AEBP2: variants seen among roughly 807,000 people sequenced by gnomAD.
AEBP2 encodes the protein AE binding protein 2.
In AEBP2, 10 loss-of-function variants were observed where a neutral mutation model predicts 50.8. That is an observed-to-expected ratio of 0.20 (90% CI 0.12 to 0.33). The LOEUF (loss-of-function observed/expected upper bound fraction) is 0.33, where lower values mean the gene tolerates loss of function less well. AEBP2 is among the 10% of genes least tolerant of loss of function. The probability of loss-of-function intolerance (pLI) is 1.00; values close to 1 mark genes in which losing one functional copy is unlikely to be tolerated. For synonymous variants in AEBP2, 296 were observed against 261.3 expected (o/e 1.13, Z -1.28); for missense variants, 570 against 688.0 (o/e 0.83, Z 1.92).
At chr12:19,462,806 A>G in intron 2 of AEBP2, 89 bp downstream of exon 2, 2 of 1,199,136 alleles carry the variant, frequency 1.7e-6, no homozygotes, top group Non-Finnish European at 2.3e-6. Flanking sequence ...GCTGAAAGTA[A>G]TTTGGGATTA....
intron 5 of AEBP2, chr12:19,508,884 G>T: frequency 3.9e-6 from 1 of 257,312 alleles, no homozygotes. Flanking sequence ...CTTCCGGAAC[G>T]TTGTCTGCAG....
intron 1 of AEBP2, among the ~76,000 whole-genome samples, chr12:19,451,155 A>G (rs895540551): frequency 1.3e-5 from 2 of 152,218 alleles, no homozygotes; most frequent in Non-Finnish European, 2.9e-5. Flanking sequence ...CCCTTTTCCA[A>G]CATTTAGTAG....
intron 3 of AEBP2, among the ~76,000 whole-genome samples, chr12:19,489,990 C>CTTTTTTTTTTTTT (rs71067029): frequency 6.3e-5 from 3 of 47,688 alleles, no homozygotes; most frequent in African/African-American, 2.5e-4. Context: ...TTAAAATAAA[C>CTTTTTTTTTTTTT]TTTTTTTTTT....
intron 1 of AEBP2, among the ~76,000 whole-genome samples, chr12:19,441,310 A>G (rs190532795): frequency 3.9e-5 from 6 of 152,276 alleles, no homozygotes; most frequent in South Asian, 4.1e-4. Context: ...GTATGTTTCA[A>G]TTGTCTTATC....
intron 1 of AEBP2, among the ~76,000 whole-genome samples, chr12:19,405,260 G>C (rs911101604): frequency 6.6e-6 from 1 of 151,520 alleles, no homozygotes; most frequent in Non-Finnish European, 1.5e-5. Context: ...TTACCTTCTT[G>C]CTTATCAAAT....
chr12:19,452,961 C>CTTTTTTT (rs34876719), intron 1 of AEBP2, among the ~76,000 whole-genome samples: 25 of 106,930 alleles, frequency 2.3e-4, no homozygotes, highest in Non-Finnish European at 3.1e-4. Flanking sequence ...GACTTACGTT[C>CTTTTTTT]TTTTTTTTTT....
At chr12:19,478,647 C>T (rs1169410416) in intron 3 of AEBP2, among the ~76,000 whole-genome samples, 1 of 152,104 alleles carries the variant, frequency 6.6e-6, no homozygotes, top group Non-Finnish European at 1.5e-5. Flanking sequence ...TTTGCTGTTG[C>T]CCACTGGTTT....
intron 1 of AEBP2, among the ~76,000 whole-genome samples, chr12:19,421,344 C>CAA (rs375160231): frequency 0.011 from 894 of 80,802 alleles, 11 homozygotes; most frequent in Middle Eastern, 0.083. Flanking sequence ...GACTCTGTCT[C>CAA]AAAAAAAAAA....
chr12:19,434,088 A>C (rs1263084873), intron 1 of AEBP2, among the ~76,000 whole-genome samples: 4 of 151,328 alleles, frequency 2.6e-5, no homozygotes, highest in African/African-American at 9.7e-5. Flanking sequence ...CTTGTGATCC[A>C]CCCACCTCAC....
intron 1 of AEBP2, among the ~76,000 whole-genome samples, chr12:19,455,227 T>C (rs1396832017): frequency 6.6e-6 from 1 of 152,026 alleles, no homozygotes; most frequent in African/African-American, 2.4e-5. Context: ...TTCCAGCTTC[T>C]AGAAATCCTC....
Position 19,439,951 on chromosome 12 carries a change from G to C in AEBP2, c.252G>C (p.Glu84Asp). The C allele has an allele frequency of 6.6e-7, 1 of 1,518,180 alleles. No homozygotes were observed. Among genetic ancestry groups the C allele is most frequent in the Non-Finnish European group, 8.8e-7 (1 of 1,140,076 alleles). The allele number at this position is 1,518,180 out of a possible 1,614,324, so 94.0% of individuals were successfully genotyped here. A position where few individuals can be genotyped will look rare whatever the true frequency, so the allele number is the denominator to read the frequency against. ...VGGGEAETMS[E>D]PSPESASQAG... Reference sequence around the variant, plus strand: ...GCGGCGAGGCAGAGACGATGTCGGAGCCGAGCCCCGAGAGCGCCAGCCAGG... The same window carrying C: ...GCGGCGAGGCAGAGACGATGTCGGACCCGAGCCCCGAGAGCGCCAGCCAGG... Residue 84 changes from glutamate (E) to aspartate (D), a missense_variant, in exon 1 of 8, where the codon GAG becomes GAC. By Grantham distance (45) the Glu-to-Asp change is conservative (BLOSUM62 2). Transcript: ENST00000266508.
intron 3 of AEBP2, among the ~76,000 whole-genome samples, chr12:19,493,231 A>G (rs1438486455): frequency 6.6e-6 from 1 of 152,070 alleles, no homozygotes; most frequent in Non-Finnish European, 1.5e-5. Flanking sequence ...GTGAAACCAT[A>G]GCTCTACTAA....
chr12:19,439,547 G>C lies in AEBP2; in HGVS notation c.-153G>C, dbSNP rs1293035392. ...CCTGTCCCCGCGCGGGCTCCGTAGC[G>C]CGTGTGCAGGCTGACGCAGCTCGCG... On this transcript the variant is annotated 5_prime_UTR_variant, in exon 1 of 8. Transcript: ENST00000266508. 9.9e-7 allele frequency: 1 copy of C among 1,005,250 alleles called. No individual in the cohort carries two copies. The allele number at this position is 1,005,250 out of a possible 1,614,324, so 62.3% of individuals were successfully genotyped here.
chr12:19,499,798 G>A (rs1392153435), intron 4 of AEBP2, among the ~76,000 whole-genome samples: 6 of 152,106 alleles, frequency 3.9e-5, no homozygotes, highest in African/African-American at 7.2e-5. Context: ...ATGCTGAGGC[G>A]AGATGTTGGA....
chr12:19,422,012 C>G (rs376031663), intron 1 of AEBP2, among the ~76,000 whole-genome samples: 1 of 151,614 alleles, frequency 6.6e-6, no homozygotes, highest in South Asian at 2.1e-4. Context: ...TGTGGTGGCT[C>G]GCACCTGTGG....
chr12:19,438,010 T>C (rs926736684), upstream of AEBP2, among the ~76,000 whole-genome samples: 1 of 152,188 alleles, frequency 6.6e-6, no homozygotes, highest in African/African-American at 2.4e-5. Context: ...CAGGGTGTAA[T>C]GTGGGCTCTT....
chr12:19,433,242 G>A (rs2095752350), intron 1 of AEBP2, among the ~76,000 whole-genome samples: 1 of 151,414 alleles, frequency 6.6e-6, no homozygotes, highest in South Asian at 2.1e-4. Context: ...AAACAAATGA[G>A]TCAGGTGTGG....
chr12:19,429,329 A>G lies in AEBP2; in HGVS notation c.-17+25113A>G, dbSNP rs181789542. Among the ~76,000 whole-genome samples, 80 of 152,298 alleles carry G rather than the reference A, an allele frequency of 5.3e-4. No individual in the cohort carries two copies. The East Asian group carries it at 0.014, about 28-fold the overall frequency. The stretch of plus-strand genomic sequence containing the variant: ...AACTCATCCTTTTTTATGGCTGCAT[A>G]GTATTCCTTGGTGTATATGTGCCAC... On this transcript the variant is annotated intron_variant, in intron 1 of 3. Coordinates refer to the AEBP2 transcript ENST00000538425.
chr12:19,435,606 G>C (rs1304076603), upstream of AEBP2, among the ~76,000 whole-genome samples: 1 of 152,008 alleles, frequency 6.6e-6, no homozygotes, highest in Non-Finnish European at 1.5e-5. Context: ...TTCTTGCCAT[G>C]ATTTCTTATG....
Sources: gnomAD v4.1 joint callset for allele counts (sites outside exome capture counted in the v4.1 genomes callset) on GRCh38, gnomAD v4.1.1 for gene constraint, MANE v1.5 for transcripts, NCBI Gene and HGNC (gene_info 2026-07-23, HGNC 2026-07-21) for gene names.